IMMP2L: variants seen among roughly 807,000 people sequenced by gnomAD.
IMMP2L encodes the protein mitochondrial inner membrane protease subunit 2.
Under a neutral mutation model 19.3 loss-of-function variants are expected in IMMP2L, and 18 were observed. That is an observed-to-expected ratio of 0.93 (90% CI 0.64 to 1.38). The LOEUF is 1.38. Ranked by LOEUF, IMMP2L falls within the 40% of genes most tolerant of loss-of-function variation. The pLI, the probability that IMMP2L is intolerant of heterozygous loss-of-function variation, is 0.00. For missense variants in IMMP2L, 233 were observed against 218.2 expected (o/e 1.07, Z -0.43); for synonymous variants, 76 against 73.0 (o/e 1.04, Z -0.21).
intron 3 of IMMP2L, among the ~76,000 whole-genome samples, chr7:111,062,849 T>TG (rs1411707783): frequency 3.3e-5 from 5 of 152,250 alleles, no homozygotes; most frequent in African/African-American, 2.4e-5. Flanking sequence ...CCCATGGTCT[T>TG]GGACAGCTCT....
chr7:110,986,211 T>TA (rs144467797), intron 3 of IMMP2L, among the ~76,000 whole-genome samples: 25 of 148,770 alleles, frequency 1.7e-4, no homozygotes, highest in African/African-American at 3.2e-4. Context: ...ATGCTGAGCT[T>TA]AAAAAAAAAA....
rs79153598 is a variant in IMMP2L at position 111,168,123 on chromosome 7, C to T, written c.240-204558G>A. 3.4e-4 allele frequency among the ~76,000 whole-genome samples: 52 copies of T among 151,830 alleles called. 1 individual carries two copies. The East Asian group carries it at 5.3e-3, about 15-fold the overall frequency. ...AAGTATGTAGCTTTGTGGCAAAATTCGAAACTTGATTTTCTGCTGGATATG... is the reference window on the plus strand; with the variant it reads ...AAGTATGTAGCTTTGTGGCAAAATTTGAAACTTGATTTTCTGCTGGATATG... On this transcript the variant is annotated intron_variant, in intron 3 of 5. Transcript: ENST00000405709.
chr7:111,237,828 T>C (rs1283606968), intron 3 of IMMP2L, among the ~76,000 whole-genome samples: 4 of 152,058 alleles, frequency 2.6e-5, no homozygotes, highest in African/African-American at 7.2e-5. Context: ...TAAAGTAAAA[T>C]AGCCTTCAAG....
rs144367948 is a variant in IMMP2L, at chr7:111,039,786, A to G, written c.240-76221T>C. 6.6e-5 allele frequency among the ~76,000 whole-genome samples: 10 copies of G among 152,308 alleles called. No individual in the cohort carries two copies. The East Asian group carries it at 1.9e-3, about 29-fold the overall frequency. On this transcript the variant is annotated intron_variant, in intron 3 of 5. Coordinates refer to ENST00000405709, the MANE Select transcript of IMMP2L (RefSeq NM_032549.4). ...CGTGTGCAAATTTTACCTAAGAAAT[A>G]TCTTCTCATCTTCCTATGCCTTTAA... is the stretch of plus-strand genomic sequence containing the variant.
chr7:110,932,890 C>T (rs1443744298), intron 4 of IMMP2L, among the ~76,000 whole-genome samples: 7 of 152,026 alleles, frequency 4.6e-5, no homozygotes, highest in African/African-American at 1.2e-4. Context: ...ATAGAATTTG[C>T]GAGCATGATA....
At chr7:111,066,872 G>C (rs1030103960) in intron 3 of IMMP2L, among the ~76,000 whole-genome samples, 3 of 152,134 alleles carry the variant, frequency 2.0e-5, no homozygotes, top group Admixed American at 6.5e-5. Context: ...GGGTTACATG[G>C]TATCAGTCAA....
intron 5 of IMMP2L, among the ~76,000 whole-genome samples, chr7:110,705,156 T>C (rs940038973): frequency 6.6e-6 from 1 of 152,130 alleles, no homozygotes; most frequent in Non-Finnish European, 1.5e-5. Context: ...GAAGAGAGTT[T>C]AAAATGATCT....
chr7:111,472,370 T>A (rs887145652), intron 3 of IMMP2L, among the ~76,000 whole-genome samples: 1 of 152,182 alleles, frequency 6.6e-6, no homozygotes, highest in Admixed American at 6.6e-5. Context: ...TAAGGCATCA[T>A]GTTGCTCATT....
At chr7:111,491,017 T>G (rs1843052514) in intron 2 of IMMP2L, among the ~76,000 whole-genome samples, 2 of 152,226 alleles carry the variant, frequency 1.3e-5, no homozygotes, top group South Asian at 2.1e-4. Flanking sequence ...CTGCCACCCC[T>G]GAGACAGTAA....
At chr7:111,321,987 G>A (rs929231657) in intron 3 of IMMP2L, among the ~76,000 whole-genome samples, 12 of 151,834 alleles carry the variant, frequency 7.9e-5, no homozygotes, top group Non-Finnish European at 1.6e-4. Flanking sequence ...CTCAAATTAT[G>A]TTAAAGCCCA....
chr7:111,122,066 C>A (rs1021999720), intron 3 of IMMP2L, among the ~76,000 whole-genome samples: 2 of 134,930 alleles, frequency 1.5e-5, no homozygotes, highest in Non-Finnish European at 3.1e-5. Flanking sequence ...ACATCACACA[C>A]CGGGGCCTGT....
At chr7:111,393,437 C>G (rs1463564481) in intron 3 of IMMP2L, among the ~76,000 whole-genome samples, 1 of 152,092 alleles carries the variant, frequency 6.6e-6, no homozygotes, top group Non-Finnish European at 1.5e-5. Flanking sequence ...TTCCTCCTTC[C>G]TCAAGTTTTG....
intron 3 of IMMP2L, among the ~76,000 whole-genome samples, chr7:111,012,375 C>A (rs2129563850): frequency 6.6e-6 from 1 of 152,168 alleles, no homozygotes; most frequent in South Asian, 2.1e-4. Flanking sequence ...AACAGTATTT[C>A]ATAATAATGC....
chr7:111,248,789 G>C (rs1815686038), intron 3 of IMMP2L, among the ~76,000 whole-genome samples: 1 of 34,436 alleles, frequency 2.9e-5, no homozygotes, highest in Non-Finnish European at 4.9e-5. Context: ...CGTGTGAGAT[G>C]TCAGTGTGCC....
In IMMP2L at chr7:110,882,287, GCCTTCCTTCCTT is replaced by G. The variant is rs111710073; in HGVS notation, c.408+4294_408+4305del. ...GTCCCAATTCCTCTCTTTGTCAAGT[GCCTTCCTTCCTT>G]CCTTCCTTCCTTCCTTCCTTCCTTC... On this transcript the variant is annotated intron_variant, in intron 5 of 5. Transcript: ENST00000405709. Among the ~76,000 whole-genome samples, 1,221 of 122,162 alleles carry G rather than the reference GCCTTCCTTCCTT, an allele frequency of 1.0e-2. 22 individuals carry two copies. The highest frequency in any genetic ancestry group is 0.034 in the African/African-American group (1,030 of 30,166). 80.1% of individuals were successfully genotyped at this position (122,162 alleles called of 152,430 possible).
chr7:111,007,662 CAT>C (rs767198223), intron 3 of IMMP2L, among the ~76,000 whole-genome samples: 1 of 151,956 alleles, frequency 6.6e-6, no homozygotes, highest in Non-Finnish European at 1.5e-5. Context: ...CGTATGTACA[CAT>C]ATAGACATGT....
chr7:111,109,260 G>GT (rs888699052), intron 3 of IMMP2L, among the ~76,000 whole-genome samples: 43 of 148,838 alleles, frequency 2.9e-4, no homozygotes, highest in East Asian at 5.9e-4. Flanking sequence ...CCATAATTAA[G>GT]TTTTTTTTTT....
At chr7:111,548,465 T>G (rs1490931595) in intron 1 of IMMP2L, among the ~76,000 whole-genome samples, 1 of 152,120 alleles carries the variant, frequency 6.6e-6, no homozygotes, top group Non-Finnish European at 1.5e-5. Flanking sequence ...TATTCCACCG[T>G]TCTGTCTTTA....
In IMMP2L at chr7:110,809,493, C is replaced by A. The variant is rs1455152904; in HGVS notation, c.408+77100G>T. ...TAACTTTTTTTGGTCAGGTGCCAAT[C>A]CAGATTTTTCCTAAATAAACATATA... On this transcript the variant is annotated intron_variant, in intron 5 of 5. Coordinates refer to ENST00000405709, the MANE Select transcript of IMMP2L (RefSeq NM_032549.4). 1.3e-5 allele frequency among the ~76,000 whole-genome samples: 2 copies of A among 151,736 alleles called. 1 individual carries two copies. Among genetic ancestry groups the A allele is most frequent in the South Asian group, 4.2e-4 (2 of 4,812 alleles).
Sources: allele counts gnomAD v4.1 joint callset (sites outside exome capture counted in the v4.1 genomes callset), GRCh38; gene constraint gnomAD v4.1.1; transcripts MANE v1.5; gene names NCBI Gene and HGNC (gene_info 2026-07-23, HGNC 2026-07-21).